Variants in ANGPT1 observed in about 807,000 individuals in gnomAD.
ANGPT1 encodes angiopoietin 1.
ANGPT1 carries 17 observed loss-of-function variants against 62.2 expected under a neutral mutation model. The observed-to-expected ratio is 0.27, with a 90% CI of 0.19 to 0.41. The LOEUF is 0.41. Ranked by LOEUF, ANGPT1 falls within the 10% of genes least tolerant of loss-of-function variation. ANGPT1 has a pLI of 1.00. For missense variants in ANGPT1, 478 were observed against 594.9 expected (o/e 0.80, Z 2.04); for synonymous variants, 199 against 198.9 (o/e 1.00, Z 0.00).
At chr8:107,360,447 G>C (rs28554015) in intron 1 of ANGPT1, among the ~76,000 whole-genome samples, 48 of 152,190 alleles carry the variant, frequency 3.2e-4, no homozygotes, top group African/African-American at 1.1e-3. Context: ...TTTGATGCCC[G>C]GGTCACTCTC....
intron 1 of ANGPT1, among the ~76,000 whole-genome samples, chr8:107,390,862 G>A (rs534987384): frequency 9.1e-4 from 139 of 152,184 alleles, no homozygotes; most frequent in Non-Finnish European, 1.4e-3. Flanking sequence ...GCTAGGTTCT[G>A]AATCTAGGAA....
At chr8:107,299,436 TACTAAGCATATATATATAC>T (rs1814506080) in intron 5 of ANGPT1, among the ~76,000 whole-genome samples, 3 of 138,974 alleles carry the variant, frequency 2.2e-5, no homozygotes, top group Non-Finnish European at 4.7e-5. Context: ...TACATATATA[TACTAAGCATATATATATAC>T]ACTAAGCATA....
chr8:107,413,530 C>T (rs1282428767), intron 1 of ANGPT1, among the ~76,000 whole-genome samples: 2 of 151,028 alleles, frequency 1.3e-5, no homozygotes, highest in African/African-American at 4.9e-5. Flanking sequence ...ATTTAGTGAA[C>T]TATTACATAT....
chr8:107,489,354 C>T (rs1026524317), intron 1 of ANGPT1, among the ~76,000 whole-genome samples: 2 of 152,034 alleles, frequency 1.3e-5, no homozygotes, highest in East Asian at 1.9e-4. Context: ...GAAACACATT[C>T]CTAGATAGAC....
At chr8:107,457,574 G>A (rs1190711593) in intron 1 of ANGPT1, among the ~76,000 whole-genome samples, 1 of 151,822 alleles carries the variant, frequency 6.6e-6, no homozygotes, top group Non-Finnish European at 1.5e-5. Flanking sequence ...ATAAAGCTTT[G>A]CCAATCCCAA....
At chr8:107,418,124 A>AT (rs2130371811) in intron 1 of ANGPT1, among the ~76,000 whole-genome samples, 1 of 152,270 alleles carries the variant, frequency 6.6e-6, no homozygotes, top group African/African-American at 2.4e-5. Flanking sequence ...TATAAACCAG[A>AT]TATTTGTTTC....
intron 7 of ANGPT1, among the ~76,000 whole-genome samples, chr8:107,266,865 T>A (rs760784027): frequency 6.6e-6 from 1 of 152,136 alleles, no homozygotes; most frequent in Non-Finnish European, 1.5e-5. Flanking sequence ...AATCTAAGTC[T>A]CATAATTTAT....
intron 2 of ANGPT1, among the ~76,000 whole-genome samples, chr8:107,346,332 A>G (rs913792603): frequency 1.3e-5 from 2 of 152,206 alleles, no homozygotes; most frequent in African/African-American, 2.4e-5. Flanking sequence ...GACAGTCATC[A>G]AAATGATAGT....
At chr8:107,406,562 C>A (rs1256311918) in intron 1 of ANGPT1, among the ~76,000 whole-genome samples, 2 of 151,896 alleles carry the variant, frequency 1.3e-5, no homozygotes, top group African/African-American at 4.8e-5. Context: ...TTAGTAGGAT[C>A]TCTGAGAAAG....
intron 7 of ANGPT1, chr8:107,284,444 C>G (rs1449586201): frequency 3.6e-6 from 1 of 277,334 alleles, no homozygotes; most frequent in Non-Finnish European, 6.7e-6. Flanking sequence ...TGACTTCATT[C>G]ACCATTCCCT....
intron 1 of ANGPT1, among the ~76,000 whole-genome samples, chr8:107,424,960 C>T (rs886967136): frequency 1.3e-5 from 2 of 152,124 alleles, no homozygotes; most frequent in Non-Finnish European, 2.9e-5. Context: ...CTGCAACCTT[C>T]GCCTCCCGGG....
At chr8:107,254,729 A>T (rs1212811119) in intron 8 of ANGPT1, among the ~76,000 whole-genome samples, 1 of 152,058 alleles carries the variant, frequency 6.6e-6, no homozygotes, top group Admixed American at 6.6e-5. Context: ...ACAGTAAACA[A>T]GAAATGACTT....
intron 2 of ANGPT1, among the ~76,000 whole-genome samples, chr8:107,343,826 C>T (rs1018736269): frequency 2.7e-4 from 41 of 152,198 alleles, no homozygotes; most frequent in African/African-American, 9.9e-4. Context: ...CTTTGGGAGG[C>T]CAAGGCAGGT....
chr8:107,439,417 T>C (rs1811414668), intron 1 of ANGPT1, among the ~76,000 whole-genome samples: 1 of 152,220 alleles, frequency 6.6e-6, no homozygotes, highest in Admixed American at 6.5e-5. Context: ...ACTCAACCAA[T>C]TTTACTTTCC....
At chr8:107,326,452 C>T (rs1175173671) in intron 3 of ANGPT1, among the ~76,000 whole-genome samples, 1 of 152,104 alleles carries the variant, frequency 6.6e-6, no homozygotes, top group Admixed American at 6.6e-5. Flanking sequence ...CTTCTTCAGG[C>T]AAGACTGATC....
intron 1 of ANGPT1, among the ~76,000 whole-genome samples, chr8:107,478,014 A>G (rs1812577775): frequency 6.6e-6 from 1 of 151,924 alleles, no homozygotes; most frequent in Admixed American, 6.6e-5. Context: ...CTTCGGTAGT[A>G]AAAAATGAAG....
intron 1 of ANGPT1, among the ~76,000 whole-genome samples, chr8:107,459,008 C>A (rs1294402043): frequency 6.6e-6 from 1 of 152,056 alleles, no homozygotes; most frequent in Admixed American, 6.6e-5. Flanking sequence ...CATCTTAAGA[C>A]AACCTGAGCA....
At chr8:107,363,416 C>A (rs745727754) in intron 1 of ANGPT1, among the ~76,000 whole-genome samples, 2 of 152,102 alleles carry the variant, frequency 1.3e-5, no homozygotes, top group African/African-American at 2.4e-5. Context: ...TACTAGCCAC[C>A]ATATTATTGC....
At chr8:107,281,992 A>T (rs1395506583) in intron 7 of ANGPT1, among the ~76,000 whole-genome samples, 2 of 151,654 alleles carry the variant, frequency 1.3e-5, no homozygotes, top group Admixed American at 6.6e-5. Context: ...TTCTAACTGC[A>T]GGCCACGGGA....
Sources: gnomAD v4.1 joint callset for allele counts (sites outside exome capture counted in the v4.1 genomes callset) on GRCh38, gnomAD v4.1.1 for gene constraint, MANE v1.5 for transcripts, NCBI Gene and HGNC (gene_info 2026-07-23, HGNC 2026-07-21) for gene names.